The following GSK3B variants were observed in gnomAD, a reference collection of about 807,000 sequenced individuals.
GSK3B encodes glycogen synthase kinase 3 beta.
GSK3B carries 15 observed loss-of-function variants against 56.4 expected under a neutral mutation model. The ratio of observed to expected loss-of-function variants is 0.27; its 90% confidence interval spans 0.18 to 0.41. GSK3B has a LOEUF of 0.41. Among genes scored for constraint, GSK3B ranks in the 10% least tolerant of loss-of-function variants. The pLI is 1.00. For synonymous variants in GSK3B, 181 were observed against 188.9 expected (o/e 0.96, Z 0.34); for missense variants, 300 against 513.4 (o/e 0.58, Z 4.02).
intron 1 of GSK3B, among the ~76,000 whole-genome samples, chr3:120,010,950 C>A (rs1159892287): frequency 3.3e-5 from 5 of 152,102 alleles, no homozygotes; most frequent in Admixed American, 3.3e-4. Context: ...CACATGTAAT[C>A]CCAGCTACAA....
intron 9 of GSK3B, among the ~76,000 whole-genome samples, chr3:119,846,328 A>G (rs1377623409): frequency 2.0e-5 from 3 of 152,246 alleles, no homozygotes; most frequent in Admixed American, 2.0e-4. Flanking sequence ...GCTTCTGCAC[A>G]GCAAAAGAAA....
intron 7 of GSK3B, among the ~76,000 whole-genome samples, chr3:119,881,902 C>T (rs1283084393): frequency 6.6e-6 from 1 of 152,080 alleles, no homozygotes; most frequent in Non-Finnish European, 1.5e-5. Context: ...GGGGAGTTTC[C>T]CTGCACAAGA....
At chr3:120,050,180 T>C (rs1372833692) in intron 1 of GSK3B, among the ~76,000 whole-genome samples, 2 of 152,172 alleles carry the variant, frequency 1.3e-5, no homozygotes, top group African/African-American at 2.4e-5. Context: ...TGAGAACTAA[T>C]CTAGTACCAC....
At chr3:119,837,096 G>C (rs1467204247) in intron 10 of GSK3B, among the ~76,000 whole-genome samples, 3 of 152,180 alleles carry the variant, frequency 2.0e-5, no homozygotes. Flanking sequence ...TAATTTCATA[G>C]TAGAATCACT....
intron 1 of GSK3B, among the ~76,000 whole-genome samples, chr3:120,087,450 T>C (rs1367586922): frequency 6.6e-6 from 1 of 151,910 alleles, no homozygotes; most frequent in African/African-American, 2.4e-5. Context: ...GAAAATCGCT[T>C]GAACCTGGGT....
chr3:119,822,191 AAG>A lies in GSK3B; in HGVS notation c.*4595_*4596del, dbSNP rs1446522509. On this transcript the variant is annotated 3_prime_UTR_variant, in exon 11 of 11. Coordinates refer to ENST00000264235, the MANE Select transcript of GSK3B (RefSeq NM_001146156.2). ...ACAGATTTTGCTTTTCCTTTATATC[AAG>A]ACAGATTTGCACAAGTGTTTGCAAT... is the stretch of plus-strand genomic sequence containing the variant. 5.4e-6 allele frequency: 1 copy of A among 186,762 alleles called. No individual in the cohort carries two copies. Among genetic ancestry groups the A allele is most frequent in the Non-Finnish European group, 1.1e-5 (1 of 89,338 alleles). 11.6% of individuals were successfully genotyped at this position (186,762 alleles called of 1,614,324 possible). A position where few individuals can be genotyped will look rare whatever the true frequency, so the allele number is the denominator to read the frequency against.
At chr3:119,895,141 G>A (rs569608566) in intron 7 of GSK3B, among the ~76,000 whole-genome samples, 3 of 151,914 alleles carry the variant, frequency 2.0e-5, no homozygotes, top group Admixed American at 1.3e-4. Flanking sequence ...GAATTCAATC[G>A]TTTCAGAATC....
intron 10 of GSK3B, among the ~76,000 whole-genome samples, chr3:119,837,120 C>T (rs767248136): frequency 6.6e-6 from 1 of 152,092 alleles, no homozygotes; most frequent in Non-Finnish European, 1.5e-5. Flanking sequence ...TGGAAGAAGG[C>T]ATACAGAAAT....
intron 1 of GSK3B, among the ~76,000 whole-genome samples, chr3:120,013,998 C>T (rs1455079112): frequency 6.6e-6 from 1 of 151,386 alleles, no homozygotes; most frequent in African/African-American, 2.4e-5. Context: ...GGCGAAACCC[C>T]GTCTCTACTA....
chr3:119,840,188 C>T (rs1377950921), intron 10 of GSK3B, among the ~76,000 whole-genome samples: 1 of 150,594 alleles, frequency 6.6e-6, no homozygotes, highest in Non-Finnish European at 1.5e-5. Context: ...CTGCCCTCCA[C>T]ATGGCTTTTT....
In GSK3B at chr3:120,040,886, C is replaced by T. The variant is rs564341251; in HGVS notation, c.89-38647G>A. On this transcript the variant is annotated intron_variant, in intron 1 of 10. Coordinates refer to ENST00000264235, the MANE Select transcript of GSK3B (RefSeq NM_001146156.2). Reference sequence around the variant, plus strand: ...ATATCCTTCCCCTACTCATGTTACTCCTCCTCCTTACAATTCTCACTCTTG... The same window carrying T: ...ATATCCTTCCCCTACTCATGTTACTTCTCCTCCTTACAATTCTCACTCTTG... Among the ~76,000 whole-genome samples the T allele has an allele frequency of 2.0e-5, 3 of 151,788 alleles. No individual in the cohort carries two copies. The South Asian group carries it at 6.2e-4, about 32-fold the overall frequency.
At chr3:119,959,416 A>G (rs2057247729) in intron 2 of GSK3B, among the ~76,000 whole-genome samples, 1 of 150,710 alleles carries the variant, frequency 6.6e-6, no homozygotes, top group African/African-American at 2.4e-5. Flanking sequence ...TGCTCTACCC[A>G]TAGCTTTCCC....
chr3:120,026,124 A>G (rs2057921030), intron 1 of GSK3B, among the ~76,000 whole-genome samples: 2 of 152,186 alleles, frequency 1.3e-5, no homozygotes, highest in South Asian at 4.1e-4. Flanking sequence ...TACCTATCAT[A>G]TTTCATCTCA....
At chr3:120,038,136 C>T (rs1447397267) in intron 1 of GSK3B, among the ~76,000 whole-genome samples, 1 of 152,220 alleles carries the variant, frequency 6.6e-6, no homozygotes, top group East Asian at 1.9e-4. Flanking sequence ...GGAATTTATC[C>T]CAGAGCCCAG....
At chr3:120,032,287 C>T (rs991225751) in intron 1 of GSK3B, among the ~76,000 whole-genome samples, 3 of 151,954 alleles carry the variant, frequency 2.0e-5, no homozygotes, top group Admixed American at 1.3e-4. Context: ...TCAGCCTGGC[C>T]GATATGGTGA....
intron 1 of GSK3B, among the ~76,000 whole-genome samples, chr3:120,057,336 T>C (rs371992689): frequency 1.3e-5 from 2 of 152,192 alleles, no homozygotes; most frequent in African/African-American, 4.8e-5. Flanking sequence ...TAGGAACTTC[T>C]AGAAGGCAAT....
chr3:120,027,827 T>C (rs1354384465), intron 1 of GSK3B, among the ~76,000 whole-genome samples: 1 of 152,080 alleles, frequency 6.6e-6, no homozygotes, highest in Non-Finnish European at 1.5e-5. Flanking sequence ...CTTTTTTGTA[T>C]CTCTCTGTAA....
Position 119,822,368 on chromosome 3 carries a change from C to A in GSK3B, c.*4420G>T. On this transcript the variant is annotated 3_prime_UTR_variant, in exon 11 of 11. Transcript: ENST00000264235. Reference sequence around the variant, plus strand: ...TCCATCGGCAACACATTTATAAATGCAAATTTTACAGGCAAGCAGATTTTC... The same window carrying A: ...TCCATCGGCAACACATTTATAAATGAAAATTTTACAGGCAAGCAGATTTTC... The A allele has an allele frequency of 4.8e-6, 1 of 207,940 alleles. No homozygotes were observed. Among genetic ancestry groups the A allele is most frequent in the Non-Finnish European group, 9.8e-6 (1 of 102,470 alleles). The allele number at this position is 207,940 out of a possible 1,614,324, so 12.9% of individuals were successfully genotyped here. A position where few individuals can be genotyped will look rare whatever the true frequency, so the allele number is the denominator to read the frequency against.
At chr3:120,085,081 G>A (rs528130911) in intron 1 of GSK3B, among the ~76,000 whole-genome samples, 3 of 152,306 alleles carry the variant, frequency 2.0e-5, no homozygotes, top group African/African-American at 7.2e-5. Context: ...CAGAGCAGGA[G>A]AGAAGACTTC....
Sources: allele counts gnomAD v4.1 joint callset (sites outside exome capture counted in the v4.1 genomes callset), GRCh38; gene constraint gnomAD v4.1.1; transcripts MANE v1.5; gene names NCBI Gene and HGNC (gene_info 2026-07-23, HGNC 2026-07-21).